MRPS28: variants seen among roughly 807,000 people sequenced by gnomAD.
MRPS28 encodes small ribosomal subunit protein bS1m.
Under a neutral mutation model 10.8 loss-of-function variants are expected in MRPS28, and 7 were observed. The observed-to-expected ratio is 0.65, with a 90% CI of 0.37 to 1.22. MRPS28 has a LOEUF of 1.22. Among genes scored for constraint, MRPS28 ranks in the 50% most tolerant of loss-of-function variants. The pLI is 0.02. For synonymous variants in MRPS28, 121 were observed against 93.3 expected (o/e 1.30, Z -1.71); for missense variants, 265 against 232.9 (o/e 1.14, Z -0.90).
At chr8:79,967,389 T>A (rs1447407636) in intron 2 of MRPS28, among the ~76,000 whole-genome samples, 3 of 152,136 alleles carry the variant, frequency 2.0e-5, no homozygotes, top group Non-Finnish European at 2.9e-5. Context: ...AGAGACTAAT[T>A]CTCTTTCTCC....
intron 1 of MRPS28, among the ~76,000 whole-genome samples, chr8:80,027,988 C>T (rs1809533577): frequency 6.6e-6 from 1 of 151,958 alleles, no homozygotes; most frequent in Non-Finnish European, 1.5e-5. Context: ...CCAGCCTCCT[C>T]CTGGAAAAAC....
chr8:80,002,298 A>T (rs1220981787), intron 2 of MRPS28, among the ~76,000 whole-genome samples: 2 of 145,100 alleles, frequency 1.4e-5, no homozygotes, highest in South Asian at 2.1e-4. Context: ...ATATATGATT[A>T]AAAAAAAACA....
intron 2 of MRPS28, among the ~76,000 whole-genome samples, chr8:79,982,019 G>A (rs557440422): frequency 2.0e-5 from 3 of 152,328 alleles, no homozygotes; most frequent in Admixed American, 6.5e-5. Flanking sequence ...GGCCAAGGCA[G>A]GTGGATCACT....
At chr8:80,020,980 C>T (rs745862970) in intron 1 of MRPS28, among the ~76,000 whole-genome samples, 5 of 150,490 alleles carry the variant, frequency 3.3e-5, no homozygotes, top group South Asian at 2.1e-4. Context: ...AACTACAGTA[C>T]GAATATATAT....
intron 1 of MRPS28, among the ~76,000 whole-genome samples, chr8:80,024,290 A>G (rs1809444556): frequency 6.6e-6 from 1 of 152,184 alleles, no homozygotes; most frequent in African/African-American, 2.4e-5. Context: ...GAAGGGAAAG[A>G]TGCATAAACC....
At chr8:79,953,742 CAA>C (rs1394239106) in intron 2 of MRPS28, among the ~76,000 whole-genome samples, 5 of 152,096 alleles carry the variant, frequency 3.3e-5, no homozygotes, top group East Asian at 1.9e-4. Context: ...CAAGCTTCCA[CAA>C]AAGAGTGAAA....
intron 2 of MRPS28, among the ~76,000 whole-genome samples, chr8:79,947,899 A>G (rs2129957751): frequency 6.6e-6 from 1 of 150,976 alleles, no homozygotes; most frequent in African/African-American, 2.4e-5. Context: ...GGCCTCCCAA[A>G]GTGCTGGGAT....
chr8:80,001,771 C>G (rs988413074), intron 2 of MRPS28, among the ~76,000 whole-genome samples: 4 of 152,088 alleles, frequency 2.6e-5, no homozygotes, highest in Admixed American at 2.6e-4. Flanking sequence ...TGGTTTATAC[C>G]ACTCATCTTG....
chr8:79,919,908 A>C (rs1451013666), intron 2 of MRPS28, among the ~76,000 whole-genome samples: 6 of 150,442 alleles, frequency 4.0e-5, no homozygotes, highest in Non-Finnish European at 5.9e-5. Flanking sequence ...TTAACTCGTC[A>C]TTTACGTTAG....
intron 2 of MRPS28, among the ~76,000 whole-genome samples, chr8:79,939,072 G>A (rs1360334077): frequency 1.3e-5 from 2 of 152,126 alleles, no homozygotes; most frequent in African/African-American, 2.4e-5. Context: ...CAGGGCCGAG[G>A]TTCTCTCCAA....
intron 1 of MRPS28, among the ~76,000 whole-genome samples, chr8:80,015,429 G>C (rs1490327650): frequency 6.6e-6 from 1 of 152,148 alleles, no homozygotes; most frequent in African/African-American, 2.4e-5. Context: ...AATTCTAGCT[G>C]GCACTAGTCA....
chr8:79,920,590 C>A (rs749975382), intron 2 of MRPS28, among the ~76,000 whole-genome samples: 2 of 152,162 alleles, frequency 1.3e-5, no homozygotes, highest in African/African-American at 4.8e-5. Flanking sequence ...TAAATGTCTT[C>A]TTTTGAGAAG....
chr8:79,951,057 G>C (rs1010248760), intron 2 of MRPS28, among the ~76,000 whole-genome samples: 1 of 152,172 alleles, frequency 6.6e-6, no homozygotes, highest in South Asian at 2.1e-4. Context: ...CCCAGGGAAA[G>C]AATAAATATG....
chr8:79,986,933 C>T (rs938230696), intron 2 of MRPS28, among the ~76,000 whole-genome samples: 91 of 152,184 alleles, frequency 6.0e-4, no homozygotes, highest in African/African-American at 1.3e-3. Flanking sequence ...TACTTTCAAG[C>T]TCATATGGAA....
chr8:80,027,242 C>T (rs192522372), intron 1 of MRPS28, among the ~76,000 whole-genome samples: 2 of 152,318 alleles, frequency 1.3e-5, no homozygotes, highest in Non-Finnish European at 2.9e-5. Context: ...TTACTCTGTA[C>T]CAGTCAATGT....
intron 2 of MRPS28, among the ~76,000 whole-genome samples, chr8:79,994,742 G>C (rs912821170): frequency 3.3e-5 from 5 of 152,034 alleles, no homozygotes; most frequent in African/African-American, 1.2e-4. Flanking sequence ...ATATTTTAAT[G>C]ATTCTTTGCT....
intron 2 of MRPS28, among the ~76,000 whole-genome samples, chr8:79,962,784 A>G (rs1807405862): frequency 6.6e-6 from 1 of 152,142 alleles, no homozygotes; most frequent in African/African-American, 2.4e-5. Context: ...AATTCTAAAC[A>G]TGTTTTCTTT....
intron 2 of MRPS28, among the ~76,000 whole-genome samples, chr8:79,971,128 T>C (rs539601850): frequency 6.6e-6 from 1 of 152,306 alleles, no homozygotes; most frequent in African/African-American, 2.4e-5. Context: ...TCTAAATGCA[T>C]ATTTGTTGAC....
At chr8:79,954,154 T>C (rs1271485989) in intron 2 of MRPS28, among the ~76,000 whole-genome samples, 1 of 151,570 alleles carries the variant, frequency 6.6e-6, no homozygotes, top group African/African-American at 2.4e-5. Flanking sequence ...GAGGCAGGAG[T>C]ATCCCTTGAG....
Sources: allele counts gnomAD v4.1 joint callset (sites outside exome capture counted in the v4.1 genomes callset), GRCh38; gene constraint gnomAD v4.1.1; transcripts MANE v1.5; gene names NCBI Gene and HGNC (gene_info 2026-07-23, HGNC 2026-07-21).